The following GABPB2 variants were observed in gnomAD, a reference collection of about 807,000 sequenced individuals.
GABPB2 encodes GA binding protein transcription factor subunit beta 2, also known as GA-binding protein subunit beta-2.
GABPB2 carries 23 observed loss-of-function variants against 39.1 expected under a neutral mutation model. The observed-to-expected ratio is 0.59, with a 90% CI of 0.42 to 0.83. The LOEUF (loss-of-function observed/expected upper bound fraction) is 0.83, where lower values mean the gene tolerates loss of function less well. Ranked by LOEUF, GABPB2 falls within the 40% of genes least tolerant of loss-of-function variation. The probability of loss-of-function intolerance (pLI) is 0.00; values close to 1 mark genes in which losing one functional copy is unlikely to be tolerated. For missense variants in GABPB2, 467 were observed against 541.1 expected (o/e 0.86, Z 1.36); for synonymous variants, 184 against 199.3 (o/e 0.92, Z 0.65).
rs587717554 is a variant in GABPB2 at position 151,101,435 on chromosome 1, A to G, written c.623-2127A>G. On this transcript the variant is annotated intron_variant, in intron 5 of 8. Transcript: ENST00000368918. ...CTAAAAATACAAAAATTAGCTGGGCATGGTGGTGCGCGCCTGTAGTCCCAG... is the reference window on the plus strand; with the variant it reads ...CTAAAAATACAAAAATTAGCTGGGCGTGGTGGTGCGCGCCTGTAGTCCCAG... Among the ~76,000 whole-genome samples, 201 of 152,038 alleles carry G rather than the reference A, an allele frequency of 1.3e-3. 1 individual carries two copies. Among genetic ancestry groups the G allele is most frequent in the Non-Finnish European group, 2.2e-3 (150 of 67,970 alleles).
At chr1:151,089,523 CTCA>C (rs1240157902) in intron 2 of GABPB2, among the ~76,000 whole-genome samples, 1 of 152,160 alleles carries the variant, frequency 6.6e-6, no homozygotes, top group African/African-American at 2.4e-5. Context: ...GCGTCTTCAT[CTCA>C]TCATTCATTT....
intron 4 of GABPB2, among the ~76,000 whole-genome samples, chr1:151,096,735 T>A (rs1171881411): frequency 1.3e-5 from 2 of 152,118 alleles, no homozygotes; most frequent in African/African-American, 2.4e-5. Flanking sequence ...ATATATTCTC[T>A]CAGGAATTTT....
chr1:151,106,484 C>A (rs974885714), intron 6 of GABPB2, among the ~76,000 whole-genome samples: 1 of 151,912 alleles, frequency 6.6e-6, no homozygotes, highest in African/African-American at 2.4e-5. Context: ...ACTACAGGCA[C>A]GTGCCACCAT....
intron 3 of GABPB2, among the ~76,000 whole-genome samples, chr1:151,092,421 A>G (rs934964967): frequency 1.3e-5 from 2 of 150,580 alleles, no homozygotes; most frequent in East Asian, 3.9e-4. Flanking sequence ...TTAAAATCAT[A>G]TTTAAAAAAA....
At chr1:151,117,371 T>C (rs1471378329) in intron 7 of GABPB2, 21 bp from the exon 8 acceptor site, 5 of 1,608,280 alleles carry the variant, frequency 3.1e-6, no homozygotes, top group South Asian at 1.1e-5. Context: ...TCACCTCCAA[T>C]TGGTGTCCTT....
chr1:151,108,514 G>T (rs587674257), intron 7 of GABPB2, among the ~76,000 whole-genome samples: 14 of 151,620 alleles, frequency 9.2e-5, no homozygotes, highest in South Asian at 2.1e-4. Flanking sequence ...TTTCTTTTTT[G>T]TGTGTGTAAC....
intron 1 of GABPB2, among the ~76,000 whole-genome samples, chr1:151,081,666 G>T (rs1455063315): frequency 6.6e-6 from 1 of 150,500 alleles, no homozygotes; most frequent in Non-Finnish European, 1.5e-5. Flanking sequence ...ATGGTGTCTC[G>T]CTCTGTCACC....
intron 1 of GABPB2, among the ~76,000 whole-genome samples, chr1:151,079,891 T>TCA (rs769040896): frequency 5.8e-4 from 86 of 148,154 alleles, no homozygotes; most frequent in Non-Finnish European, 1.0e-3. Context: ...CAAAACTCTG[T>TCA]CACACACACA....
At chr1:151,099,938 G>A (rs77491263) in intron 5 of GABPB2, among the ~76,000 whole-genome samples, 7,290 of 152,212 alleles carry the variant, frequency 0.048, 293 homozygotes, top group African/African-American at 0.1. Flanking sequence ...AAATGAAAAC[G>A]TAGTATCTTA....
chr1:151,106,664 G>C (rs1007830890), intron 6 of GABPB2, among the ~76,000 whole-genome samples: 4 of 152,182 alleles, frequency 2.6e-5, no homozygotes, highest in Non-Finnish European at 5.9e-5. Context: ...TACTCTGTTG[G>C]AGAATCACAC....
At chr1:151,072,260 G>T (rs1676792263) in intron 1 of GABPB2, among the ~76,000 whole-genome samples, 1 of 152,192 alleles carries the variant, frequency 6.6e-6, no homozygotes, top group South Asian at 2.1e-4. Flanking sequence ...TTATTGAAAG[G>T]TTTTGGCCGG....
chr1:151,077,361 T>TTG (rs1358622424), intron 1 of GABPB2, among the ~76,000 whole-genome samples: 3 of 145,838 alleles, frequency 2.1e-5, no homozygotes, highest in South Asian at 2.3e-4. Context: ...CATAGGTTTT[T>TTG]TTTTTTTTTT....
intron 1 of GABPB2, among the ~76,000 whole-genome samples, chr1:151,085,944 G>A (rs949016046): frequency 1.2e-4 from 18 of 151,888 alleles, no homozygotes; most frequent in Non-Finnish European, 1.9e-4. Flanking sequence ...ATTGTCATTT[G>A]GGCAAAAAGG....
At chr1:151,074,747 C>T (rs1677027742) in intron 1 of GABPB2, among the ~76,000 whole-genome samples, 1 of 152,078 alleles carries the variant, frequency 6.6e-6, no homozygotes, top group African/African-American at 2.4e-5. Flanking sequence ...CCTCTTGTCG[C>T]CATCTTGCTT....
chr1:151,112,861 C>T (rs587688571), intron 7 of GABPB2: 1 of 152,320 alleles, frequency 6.6e-6, no homozygotes, highest in Admixed American at 6.5e-5. Flanking sequence ...ATCTCTGCCT[C>T]CCAGGTTCAA....
At chr1:151,078,857 G>T (rs1301526076) in intron 1 of GABPB2, among the ~76,000 whole-genome samples, 5 of 151,488 alleles carry the variant, frequency 3.3e-5, no homozygotes, top group Non-Finnish European at 7.4e-5. Context: ...ATTTTAGTAG[G>T]GGCGGGATTT....
At chr1:151,113,081 AT>A (rs772777459) in intron 7 of GABPB2, among the ~76,000 whole-genome samples, 10,731 of 147,392 alleles carry the variant, frequency 0.073, 667 homozygotes, top group African/African-American at 0.17. Context: ...TAGCCCCTCA[AT>A]TTTTTTTTTT....
At chr1:151,103,213 C>G (rs1679680406) in intron 5 of GABPB2, among the ~76,000 whole-genome samples, 1 of 151,622 alleles carries the variant, frequency 6.6e-6, no homozygotes, top group South Asian at 2.1e-4. Flanking sequence ...CCACGCCCAG[C>G]TAATTTTTTG....
At position 151,100,744 on chromosome 1, in the gene GABPB2, C is replaced by T. The variant is rs1283375020; in HGVS notation, c.622+2742C>T. Among the ~76,000 whole-genome samples the T allele has an allele frequency of 3.3e-5, 5 of 150,826 alleles. No individual in the cohort carries two copies. In the East Asian group the frequency reaches 5.9e-4, roughly 18 times the overall value. On this transcript the variant is annotated intron_variant, in intron 5 of 8. Coordinates refer to ENST00000368918, the MANE Select transcript of GABPB2 (RefSeq NM_144618.3). The stretch of plus-strand genomic sequence containing the variant: ...GCTGGGATACTGGTGCCTGCCACCA[C>T]GCCCAGCTAATTTTTGTATTTTTAG...
Sources: gnomAD v4.1 joint callset for allele counts (sites outside exome capture counted in the v4.1 genomes callset) on GRCh38, gnomAD v4.1.1 for gene constraint, MANE v1.5 for transcripts, NCBI Gene and HGNC (gene_info 2026-07-23, HGNC 2026-07-21) for gene names.